RAPGEF5: variants seen among roughly 807,000 people sequenced by gnomAD.
RAPGEF5 encodes the protein M-Ras-regulated GEF.
A neutral mutation model predicts 125.2 loss-of-function variants in RAPGEF5; 65 were observed. That is an observed-to-expected ratio of 0.52 (90% CI 0.43 to 0.64). RAPGEF5 has a LOEUF of 0.64. RAPGEF5 is among the 30% of genes least tolerant of loss of function. The pLI is 0.00. For missense variants in RAPGEF5, 958 were observed against 1,048.1 expected (o/e 0.91, Z 1.19); for synonymous variants, 391 against 385.9 (o/e 1.01, Z -0.16).
rs568738339 is a variant in RAPGEF5, at chr7:22,306,183, C to G, written c.680+2156G>C. Among the ~76,000 whole-genome samples, 8 of 152,292 alleles carry G rather than the reference C, an allele frequency of 5.3e-5. No homozygotes were observed. The South Asian group carries it at 1.7e-3, about 32-fold the overall frequency. On this transcript the variant is annotated intron_variant, in intron 5 of 25. Transcript: ENST00000665637. Reference sequence around the variant, plus strand: ...TCCCACCAACAGTGTACAAGGGTTCCCTTTTCTCTGCATCCTCCTCAGCAT... The same window carrying G: ...TCCCACCAACAGTGTACAAGGGTTCGCTTTTCTCTGCATCCTCCTCAGCAT...
intron 7 of RAPGEF5, among the ~76,000 whole-genome samples, chr7:22,253,649 AAT>A (rs1786678133): frequency 1.3e-5 from 2 of 152,358 alleles, no homozygotes; most frequent in Non-Finnish European, 2.9e-5. Flanking sequence ...CATTCAAAAT[AAT>A]ATCTCTATAG....
chr7:22,245,367 T>C (rs1164653671), intron 7 of RAPGEF5, among the ~76,000 whole-genome samples: 3 of 152,182 alleles, frequency 2.0e-5, no homozygotes, highest in Non-Finnish European at 2.9e-5. Flanking sequence ...TTTGGGGTCA[T>C]TTCCACAAAA....
intron 22 of RAPGEF5, 124 bp from the exon 23 acceptor site, chr7:22,136,249 A>G (rs1783077144): frequency 9.4e-6 from 6 of 641,020 alleles, no homozygotes; most frequent in Non-Finnish European, 1.5e-5. Flanking sequence ...CCTAAGAACA[A>G]AGTAGATAAA....
intron 5 of RAPGEF5, among the ~76,000 whole-genome samples, chr7:22,304,917 C>A (rs1309984286): frequency 1.3e-5 from 2 of 152,180 alleles, no homozygotes; most frequent in Non-Finnish European, 2.9e-5. Flanking sequence ...TTCTGCTTTA[C>A]TATTGCAAGG....
At chr7:22,137,100 CTCTA>C (rs771611578) in intron 21 of RAPGEF5, 117 bp from the exon 22 acceptor site, 9 of 727,832 alleles carry the variant, frequency 1.2e-5, no homozygotes, top group Admixed American at 2.5e-5. Context: ...ACATAAATAC[CTCTA>C]TCATCTGTTC....
In RAPGEF5 at chr7:22,119,272, G is replaced by C. The variant is rs1048996178; in HGVS notation, c.*3134C>G. 1.3e-5 allele frequency: 2 copies of C among 152,160 alleles called. No individual in the cohort carries two copies. Among genetic ancestry groups the C allele is most frequent in the African/African-American group, 4.8e-5 (2 of 41,432 alleles). The allele number at this position is 152,160 out of a possible 1,614,324, so 9.4% of individuals were successfully genotyped here. On this transcript the variant is annotated 3_prime_UTR_variant, in exon 26 of 26. Coordinates refer to ENST00000665637, the MANE Select transcript of RAPGEF5 (RefSeq NM_012294.5). This position sits in a 1 kb window ranked among gnomAD's most constrained non-coding sequence, Gnocchi z 4.1. ...TGCAGCATCCTCTCCCTGTGGACTAGGCAGTGTGAGCACTGACCTTATCCA... is the reference window on the plus strand; with the variant it reads ...TGCAGCATCCTCTCCCTGTGGACTACGCAGTGTGAGCACTGACCTTATCCA...
intron 9 of RAPGEF5, among the ~76,000 whole-genome samples, chr7:22,214,536 G>A (rs1050071700): frequency 1.3e-5 from 2 of 152,148 alleles, no homozygotes; most frequent in Non-Finnish European, 2.9e-5. Context: ...GGTGAATAGT[G>A]CAGCTATATT....
At chr7:22,252,583 A>C (rs569016369) in intron 7 of RAPGEF5, among the ~76,000 whole-genome samples, 1 of 152,226 alleles carries the variant, frequency 6.6e-6, no homozygotes, top group South Asian at 2.1e-4. Flanking sequence ...AACAATTCTC[A>C]GGGTTAAAGG....
At position 22,356,878 on chromosome 7, in the gene RAPGEF5, C is replaced by G. The variant is rs1784432073; in HGVS notation, c.183G>C (p.Leu61=). ...RPRLRDLPAL[L]RSGLTLRRKR... ...TCCTCCGCAGCGTGAGCCCGCTCCG[C>G]AGCAGCGCGGGCAGGTCCCTCAGCC... The change falls in exon 1 of 26, where the codon CTG becomes CTC. Residue 61 remains leucine, a synonymous_variant. Coordinates refer to ENST00000665637, the MANE Select transcript of RAPGEF5 (RefSeq NM_012294.5). The G allele has an allele frequency of 1.7e-6, 2 of 1,156,218 alleles. No individual in the cohort carries two copies. Among genetic ancestry groups the G allele is most frequent in the African/African-American group, 3.2e-5 (2 of 61,688 alleles). 71.6% of individuals were successfully genotyped at this position (1,156,218 alleles called of 1,614,324 possible).
chr7:22,318,052 G>T lies in RAPGEF5; in HGVS notation c.232-15C>A. On this transcript the variant is annotated splice_polypyrimidine_tract_variant and intron_variant, in intron 1 of 25. Transcript: ENST00000665637. ...CTTGATAGAGTCTATTTTAAACAAA[G>T]AAAAAAAAAATAGTTAGAACCAAAT... is the stretch of plus-strand genomic sequence containing the variant. The T allele has an allele frequency of 4.8e-6, 6 of 1,254,860 alleles. No individual in the cohort carries two copies. The highest frequency in any genetic ancestry group is 2.0e-6 in the Non-Finnish European group (2 of 979,942). The allele number at this position is 1,254,860 out of a possible 1,614,324, so 77.7% of individuals were successfully genotyped here.
chr7:22,252,224 T>G (rs1786641288), intron 7 of RAPGEF5, among the ~76,000 whole-genome samples: 1 of 152,238 alleles, frequency 6.6e-6, no homozygotes, highest in Non-Finnish European at 1.5e-5. Flanking sequence ...ATCATTGTCC[T>G]GGACCACACA....
In RAPGEF5 at chr7:22,308,348, A is replaced by G. The variant is rs935869591; in HGVS notation, c.671T>C (p.Ile224Thr). ...LVPLIPARGGICELSHQKIED... is the reference protein window; with the variant it reads ...LVPLIPARGGTCELSHQKIED... ...GAGAGCATCTACTTACAGTTCACAGATGCCACCTCTGGCAGGAATGAGAGG... is the reference window on the plus strand; with the variant it reads ...GAGAGCATCTACTTACAGTTCACAGGTGCCACCTCTGGCAGGAATGAGAGG... Residue 224 changes from isoleucine (I) to threonine (T), a missense_variant, in exon 5 of 26, where the codon ATC becomes ACC. Coordinates refer to ENST00000665637, the MANE Select transcript of RAPGEF5 (RefSeq NM_012294.5). 1 of 1,586,972 alleles carries G rather than the reference A, an allele frequency of 6.3e-7. No individual in the cohort carries two copies. Among genetic ancestry groups the G allele is most frequent in the Non-Finnish European group, 8.6e-7 (1 of 1,165,246 alleles).
At position 22,157,835 on chromosome 7, in the gene RAPGEF5, G is replaced by T; in HGVS notation, c.1557+20C>A. 1 of 1,605,794 alleles carries T rather than the reference G, an allele frequency of 6.2e-7. No individual in the cohort carries two copies. The highest frequency in any genetic ancestry group is 8.5e-7 in the Non-Finnish European group (1 of 1,172,590). On this transcript the variant is annotated intron_variant, in intron 15 of 25. Transcript: ENST00000665637. ...TCCAAACCGGATCACCTAATTTTAG[G>T]TATAGAAGCATCTGCTTACCTTTTT...
chr7:22,164,488 C>T (rs1784101465), intron 12 of RAPGEF5, among the ~76,000 whole-genome samples: 1 of 152,160 alleles, frequency 6.6e-6, no homozygotes. Flanking sequence ...ACTTTGTAGT[C>T]AAGCTGCATA....
At chr7:22,228,670 G>A (rs1158358807) in intron 8 of RAPGEF5, among the ~76,000 whole-genome samples, 1 of 114,546 alleles carries the variant, frequency 8.7e-6, no homozygotes, top group Non-Finnish European at 1.8e-5. Context: ...ACCACGCCCA[G>A]CTAATTTTTT....
chr7:22,315,346 C>T (rs1389284291), intron 3 of RAPGEF5, 24 bp downstream of exon 3: 17 of 1,530,782 alleles, frequency 1.1e-5, no homozygotes, highest in Non-Finnish European at 1.5e-5. Flanking sequence ...GAATTTCTGA[C>T]AAGGTGTTAG....
chr7:22,353,953 C>G (rs997227442), intron 1 of RAPGEF5, among the ~76,000 whole-genome samples: 1 of 152,124 alleles, frequency 6.6e-6, no homozygotes, highest in Non-Finnish European at 1.5e-5. Flanking sequence ...GTGCCTGTAT[C>G]CCAGTTCCTC....
At chr7:22,190,194 C>T (rs1429420027) in intron 11 of RAPGEF5, among the ~76,000 whole-genome samples, 5 of 152,054 alleles carry the variant, frequency 3.3e-5, no homozygotes, top group Non-Finnish European at 7.4e-5. Flanking sequence ...GCAGGAGAAT[C>T]GCTTGAACCC....
rs10668286 is a variant in RAPGEF5, at chr7:22,150,513, GAAAA to G, written c.1787-13_1787-10del. 3,801 of 1,342,370 alleles carry G rather than the reference GAAAA, an allele frequency of 2.8e-3. No homozygotes were observed. The highest frequency in any genetic ancestry group is 5.5e-3 in the South Asian group (384 of 69,716). The allele number at this position is 1,342,370 out of a possible 1,614,324, so 83.2% of individuals were successfully genotyped here. A position where few individuals can be genotyped will look rare whatever the true frequency, so the allele number is the denominator to read the frequency against. On this transcript the variant is annotated splice_polypyrimidine_tract_variant and intron_variant, in intron 17 of 25. Coordinates refer to ENST00000665637, the MANE Select transcript of RAPGEF5 (RefSeq NM_012294.5). ...CTGAAGTTCATGCTTTTCTTTATTTGAAAAAAAAAAAAAAAAAAGGAATAATCAG... is the reference window on the plus strand; with the variant it reads ...CTGAAGTTCATGCTTTTCTTTATTTGAAAAAAAAAAAAAAGGAATAATCAG...
Sources: gnomAD v4.1 joint callset for allele counts (sites outside exome capture counted in the v4.1 genomes callset) on GRCh38, gnomAD v4.1.1 for gene constraint, Gnocchi (gnomAD v3.1) non-coding constraint, MANE v1.5 for transcripts, NCBI Gene and HGNC (gene_info 2026-07-23, HGNC 2026-07-21) for gene names.